The following UNC5C variants were observed in gnomAD, a reference collection of about 807,000 sequenced individuals.
UNC5C encodes the protein netrin receptor UNC5C.
UNC5C carries 47 observed loss-of-function variants against 99.8 expected under a neutral mutation model. The observed-to-expected ratio is 0.47, with a 90% CI of 0.37 to 0.60. The LOEUF (loss-of-function observed/expected upper bound fraction) is 0.60. Ranked by LOEUF, UNC5C falls within the 20% of genes least tolerant of loss-of-function variation. UNC5C has a pLI of 0.00. For missense variants in UNC5C, 1,062 were observed against 1,165.9 expected, an observed-to-expected ratio of 0.91 and a Z score of 1.30; for synonymous variants, 487 against 452.2, an observed-to-expected ratio of 1.08 and a Z score of -0.98.
intron 1 of UNC5C, among the ~76,000 whole-genome samples, chr4:95,536,000 T>C (rs576252580): frequency 6.6e-6 from 1 of 151,160 alleles, no homozygotes; most frequent in Non-Finnish European, 1.5e-5. Context: ...GCATAAATAA[T>C]AAATAATCAA....
chr4:95,198,471 T>C (rs1737521645), intron 12 of UNC5C, among the ~76,000 whole-genome samples: 1 of 152,074 alleles, frequency 6.6e-6, no homozygotes, highest in South Asian at 2.1e-4. Context: ...TAATGTAAGA[T>C]GATGTGAATG....
At chr4:95,408,344 C>A (rs1377774944) in intron 1 of UNC5C, among the ~76,000 whole-genome samples, 1 of 152,052 alleles carries the variant, frequency 6.6e-6, no homozygotes, top group Non-Finnish European at 1.5e-5. Flanking sequence ...CTATAAGATA[C>A]CAAAATTTTT....
At chr4:95,233,147 G>C (rs1256194034) in intron 7 of UNC5C, among the ~76,000 whole-genome samples, 1 of 152,194 alleles carries the variant, frequency 6.6e-6, no homozygotes, top group African/African-American at 2.4e-5. Flanking sequence ...CACATGGAGA[G>C]CTCTGCCACT....
intron 7 of UNC5C, among the ~76,000 whole-genome samples, chr4:95,227,058 T>C (rs1434168293): frequency 6.6e-6 from 1 of 152,076 alleles, no homozygotes; most frequent in Non-Finnish European, 1.5e-5. Flanking sequence ...CTGGGTACAG[T>C]GTGGCCTCAG....
At chr4:95,480,341 T>C (rs370190229) in intron 1 of UNC5C, among the ~76,000 whole-genome samples, 1 of 151,868 alleles carries the variant, frequency 6.6e-6, no homozygotes, top group African/African-American at 2.4e-5. Context: ...AGATGACTAA[T>C]AGGGCTTTAG....
intron 2 of UNC5C, among the ~76,000 whole-genome samples, chr4:95,333,599 A>G (rs1467810488): frequency 2.0e-5 from 3 of 151,780 alleles, no homozygotes; most frequent in Non-Finnish European, 2.9e-5. Context: ...GAGGGATAGC[A>G]TTAGGAGATA....
chr4:95,268,242 G>C (rs1391235971), intron 4 of UNC5C, among the ~76,000 whole-genome samples: 3 of 152,144 alleles, frequency 2.0e-5, no homozygotes, highest in Non-Finnish European at 1.5e-5. Flanking sequence ...CCCGGCCTGT[G>C]ATTTCTTTTA....
At chr4:95,263,051 T>C (rs1334931566) in intron 4 of UNC5C, among the ~76,000 whole-genome samples, 2 of 151,982 alleles carry the variant, frequency 1.3e-5, no homozygotes, top group African/African-American at 4.8e-5. Context: ...CTGACCTCAG[T>C]TGATCCACCT....
intron 3 of UNC5C, among the ~76,000 whole-genome samples, chr4:95,290,639 T>G (rs1000076237): frequency 2.6e-5 from 4 of 152,194 alleles, no homozygotes; most frequent in African/African-American, 9.6e-5. Flanking sequence ...AAGATTATGA[T>G]AGTTAACATG....
chr4:95,234,451 T>C (rs1437820806), intron 7 of UNC5C, among the ~76,000 whole-genome samples: 2 of 152,172 alleles, frequency 1.3e-5, no homozygotes, highest in African/African-American at 4.8e-5. Context: ...TATGTATACA[T>C]GTGCCACGTT....
intron 2 of UNC5C, among the ~76,000 whole-genome samples, chr4:95,317,722 G>A (rs6532549): frequency 0.82 from 125,324 of 152,044 alleles, 51,796 homozygotes; most frequent in Middle Eastern, 0.87. Context: ...CAGAAAGCTG[G>A]TAAAGAACAC....
intron 2 of UNC5C, among the ~76,000 whole-genome samples, chr4:95,327,196 C>T (rs1742920104): frequency 6.6e-6 from 1 of 152,074 alleles, no homozygotes. Context: ...CCAACCTCCA[C>T]CCCTAAAAAA....
chr4:95,480,960 G>A (rs1349013728), intron 1 of UNC5C, among the ~76,000 whole-genome samples: 1 of 150,958 alleles, frequency 6.6e-6, no homozygotes, highest in African/African-American at 2.4e-5. Flanking sequence ...AGACAGGGAT[G>A]CCCTCTCTCA....
chr4:95,388,043 A>AT (rs1261727668), intron 1 of UNC5C, among the ~76,000 whole-genome samples: 16 of 152,198 alleles, frequency 1.1e-4, no homozygotes, highest in African/African-American at 2.9e-4. Flanking sequence ...GAGATGAACT[A>AT]TTTTTATGGA....
At chr4:95,423,898 A>T (rs181564532) in intron 1 of UNC5C, among the ~76,000 whole-genome samples, 87 of 151,324 alleles carry the variant, frequency 5.7e-4, no homozygotes, top group Non-Finnish European at 9.8e-4. Context: ...CACAAAAGGG[A>T]AACAAACATT....
At chr4:95,498,710 T>C (rs1484183480) in intron 1 of UNC5C, among the ~76,000 whole-genome samples, 2 of 4,664 alleles carry the variant, frequency 4.3e-4, no homozygotes, top group Admixed American at 3.1e-3. Context: ...ACATACAGTG[T>C]TTTTTTTTTT....
chr4:95,301,511 C>T (rs1365990920), intron 3 of UNC5C, 95 bp downstream of exon 3: 1 of 1,546,542 alleles, frequency 6.5e-7, no homozygotes, highest in African/African-American at 1.4e-5. Flanking sequence ...GGATTTTTGA[C>T]CAGTTTTCTT....
chr4:95,185,684 C>CTGTT (rs1294451626), intron 12 of UNC5C, among the ~76,000 whole-genome samples: 1 of 152,038 alleles, frequency 6.6e-6, no homozygotes, highest in African/African-American at 2.4e-5. Context: ...AAATTAGAAC[C>CTGTT]TGTTTTAGAC....
Position 95,181,652 on chromosome 4 carries a change from T to TGACA in UNC5C, c.2451+1241_2451+1244dup, listed in dbSNP as rs143904031. Among the ~76,000 whole-genome samples, 864 of 152,112 alleles carry TGACA rather than the reference T, an allele frequency of 5.7e-3. 6 individuals carry two copies. Among genetic ancestry groups the TGACA allele is most frequent in the African/African-American group, 0.02 (832 of 41,488 alleles). ...AGGCCTGGCGGTTGCCATGGCACCC[T>TGACA]GACACCGAGATCATTCCTTATGAAT... On this transcript the variant is annotated intron_variant, in intron 14 of 15. Transcript: ENST00000453304.
Sources: gnomAD v4.1 joint callset for allele counts (sites outside exome capture counted in the v4.1 genomes callset) on GRCh38, gnomAD v4.1.1 for gene constraint, MANE v1.5 for transcripts, NCBI Gene and HGNC (gene_info 2026-07-23, HGNC 2026-07-21) for gene names.